Variants in DCAF1 observed in about 807,000 individuals in gnomAD.
DCAF1 encodes the protein DDB1- and CUL4-associated factor 1.
In DCAF1, 15 loss-of-function variants were observed where a neutral mutation model predicts 128.0. The observed-to-expected ratio is 0.12, with a 90% CI of 0.08 to 0.18. The LOEUF (loss-of-function observed/expected upper bound fraction) is 0.18, where lower values mean the gene tolerates loss of function less well. DCAF1 is among the 10% of genes least tolerant of loss of function. The pLI, the probability that DCAF1 is intolerant of heterozygous loss-of-function variation, is 1.00. For missense variants in DCAF1, 988 were observed against 1,649.5 expected (o/e 0.60, Z 6.95); for synonymous variants, 610 against 603.0 (o/e 1.01, Z -0.17).
At chr3:51,454,959 C>T (rs921977408) in intron 6 of DCAF1, among the ~76,000 whole-genome samples, 7 of 152,302 alleles carry the variant, frequency 4.6e-5, no homozygotes, top group Admixed American at 2.0e-4. Flanking sequence ...AGGTGTGAGC[C>T]GCCACGCCCG....
At position 51,403,227 on chromosome 3, in the gene DCAF1, GCTC is replaced by G. The variant is rs782593578; in HGVS notation, c.4378_4380del (p.Glu1460del). 3 of 1,613,898 alleles carry G rather than the reference GCTC, an allele frequency of 1.9e-6. No individual in the cohort carries two copies. In the South Asian group the frequency reaches 3.3e-5, roughly 18 times the overall value. ...TCTCCCTCCTCTAGAAGGTTTGCTA[GCTC>G]CTCATCAGAGGGAGAGAAGTCATTG... On this transcript the variant is annotated inframe_deletion, in exon 24 of 25. Transcript: ENST00000684031.
chr3:51,424,353 T>C (rs1699714690), intron 13 of DCAF1, among the ~76,000 whole-genome samples: 1 of 151,192 alleles, frequency 6.6e-6, no homozygotes, highest in African/African-American at 2.4e-5. Flanking sequence ...TAAGCCGAGA[T>C]TGCACCACTA....
chr3:51,401,541 T>C (rs1336932605), intron 24 of DCAF1, among the ~76,000 whole-genome samples: 2 of 152,242 alleles, frequency 1.3e-5, no homozygotes, highest in East Asian at 3.8e-4. Context: ...GTAAATATTC[T>C]CATAAAGTAA....
chr3:51,476,620 G>C (rs977302080), intron 3 of DCAF1, among the ~76,000 whole-genome samples: 12 of 143,124 alleles, frequency 8.4e-5, no homozygotes, highest in Non-Finnish European at 9.0e-5. Context: ...GCTCACGCCT[G>C]TAATCCCAGC....
rs373747826 is a variant in DCAF1 at position 51,418,807 on chromosome 3, T to A, written c.3306A>T (p.Ser1102=). 2 of 1,613,974 alleles carry A rather than the reference T, an allele frequency of 1.2e-6. No individual in the cohort carries two copies. Among genetic ancestry groups the A allele is most frequent in the Admixed American group, 3.3e-5 (2 of 60,018 alleles). Residue 1102 remains serine (S), a synonymous_variant, in exon 16 of 25, where the codon TCA becomes TCT. Transcript: ENST00000684031. The part of the protein sequence containing the change: ...DESGFTCCAF[S]ARERFLMLGT... Reference sequence around the variant, plus strand: ...CAAGCATCAGGAACCGCTCCCGTGCTGAGAATGCACAGCAGGTGAAGCCAC... The same window carrying A: ...CAAGCATCAGGAACCGCTCCCGTGCAGAGAATGCACAGCAGGTGAAGCCAC...
chr3:51,396,320 T>A (rs2089201596), downstream of DCAF1: 1 of 177,316 alleles, frequency 5.6e-6, no homozygotes, highest in African/African-American at 2.4e-5. Flanking sequence ...AACTGCCAAG[T>A]TTTGGTGAGG....
chr3:51,445,989 C>CTT lies in DCAF1; in HGVS notation c.376-2088_376-2087dup, dbSNP rs782164524. ...CAGTGTCTTTTGCTAAACCTAAGTT[C>CTT]TTTTTTTTTTTTTTTTTTTTTCCAG... On this transcript the variant is annotated intron_variant, in intron 6 of 24. Transcript: ENST00000684031. 1.1e-3 allele frequency among the ~76,000 whole-genome samples: 124 copies of CTT among 117,606 alleles called. 1 individual carries two copies. The highest frequency in any genetic ancestry group is 2.8e-3 in the East Asian group (11 of 3,970). The allele number at this position is 117,606 out of a possible 152,430, so 77.2% of individuals were successfully genotyped here. A position where few individuals can be genotyped will look rare whatever the true frequency, so the allele number is the denominator to read the frequency against.
At chr3:51,455,685 TCAGGAGTTCAAGAC>T (rs2107911284) in intron 6 of DCAF1, among the ~76,000 whole-genome samples, 1 of 151,696 alleles carries the variant, frequency 6.6e-6, no homozygotes, top group African/African-American at 2.4e-5. Context: ...GATCACGAGG[TCAGGAGTTCAAGAC>T]CAGCCTGACC....
At chr3:51,464,768 G>C (rs538330312) in intron 5 of DCAF1, among the ~76,000 whole-genome samples, 2 of 152,078 alleles carry the variant, frequency 1.3e-5, no homozygotes, top group Non-Finnish European at 2.9e-5. Context: ...AAGCCCCTAG[G>C]AGGGCACAAG....
At chr3:51,502,833 C>G (rs1553664618), upstream of DCAF1, among the ~76,000 whole-genome samples, 1 of 152,112 alleles carries the variant, frequency 6.6e-6, no homozygotes, top group Non-Finnish European at 1.5e-5. Flanking sequence ...CACCTCCTTC[C>G]CACTTCTGGG....
chr3:51,422,512 A>C (rs1341936024), intron 13 of DCAF1, 81 bp from the exon 14 acceptor site: 1 of 703,384 alleles, frequency 1.4e-6, no homozygotes, highest in Non-Finnish European at 2.6e-6. Flanking sequence ...ACACACAGAC[A>C]GATAGACACA....
chr3:51,466,690 C>G, intron 5 of DCAF1, 113 bp downstream of exon 5: 2 of 1,004,718 alleles, frequency 2.0e-6, no homozygotes, highest in South Asian at 3.2e-5. Context: ...GCAAAAAACT[C>G]TACTCCCAAC....
rs189647894 is a variant in DCAF1 at position 51,436,442 on chromosome 3, C to A, written c.1129-3178G>T. On this transcript the variant is annotated intron_variant, in intron 9 of 24. Coordinates refer to ENST00000684031, the MANE Select transcript of DCAF1 (RefSeq NM_001387579.1). ...GATGCTAGAATACGGAATTATGACA[C>A]TGAGCCATGTCAGCCATAACCCTTA... is the stretch of plus-strand genomic sequence containing the variant. 5.5e-4 allele frequency: 288 copies of A among 520,046 alleles called. No individual in the cohort carries two copies. The East Asian group carries it at 0.012, about 23-fold the overall frequency. The allele number at this position is 520,046 out of a possible 1,614,324, so 32.2% of individuals were successfully genotyped here. A position where few individuals can be genotyped will look rare whatever the true frequency, so the allele number is the denominator to read the frequency against.
chr3:51,502,570 T>G (rs1302073216), upstream of DCAF1, among the ~76,000 whole-genome samples: 5 of 151,974 alleles, frequency 3.3e-5, no homozygotes, highest in Non-Finnish European at 5.9e-5. Context: ...AAAAAATTTT[T>G]TTTTAATTTT....
In DCAF1 at chr3:51,398,425, C is replaced by T; in HGVS notation, c.*344G>A. The T allele has an allele frequency of 5.3e-6, 1 of 190,146 alleles. No individual in the cohort carries two copies. The highest frequency in any genetic ancestry group is 1.1e-5 in the Non-Finnish European group (1 of 93,968). 11.8% of individuals were successfully genotyped at this position (190,146 alleles called of 1,614,324 possible). A position where few individuals can be genotyped will look rare whatever the true frequency, so the allele number is the denominator to read the frequency against. ...GTTTTATAAAAAACTATTTCTTGTT[C>T]TTTAAGTAAAGAACACTATACAAAG... On this transcript the variant is annotated 3_prime_UTR_variant, in exon 25 of 25. Transcript: ENST00000684031.
At chr3:51,419,595 T>G in intron 15 of DCAF1, 139 bp downstream of exon 15, 2 of 1,405,126 alleles carry the variant, frequency 1.4e-6, no homozygotes, top group South Asian at 3.1e-5. Flanking sequence ...TGACAAAAGG[T>G]GGTACAATTA....
At chr3:51,474,957 G>C (rs2108279164) in intron 3 of DCAF1, among the ~76,000 whole-genome samples, 1 of 151,908 alleles carries the variant, frequency 6.6e-6, no homozygotes, top group African/African-American at 2.4e-5. Context: ...GCTAACTTTT[G>C]TATTTTTAGT....
chr3:51,437,804 G>C, intron 9 of DCAF1, among the ~76,000 whole-genome samples: 1 of 151,648 alleles, frequency 6.6e-6, no homozygotes, highest in East Asian at 1.9e-4. Flanking sequence ...GACAGGGTAA[G>C]ACCTTGTCCT....
At chr3:51,412,138 C>CAAAAAAAAA (rs1698487663) in intron 23 of DCAF1, among the ~76,000 whole-genome samples, 1 of 124,156 alleles carries the variant, frequency 8.1e-6, no homozygotes. Context: ...AAAAAAAAAG[C>CAAAAAAAAA]AGAGATTGCT....
Sources: allele counts gnomAD v4.1 joint callset (sites outside exome capture counted in the v4.1 genomes callset), GRCh38; gene constraint gnomAD v4.1.1; transcripts MANE v1.5; gene names NCBI Gene and HGNC (gene_info 2026-07-23, HGNC 2026-07-21).